Variants in MBTPS1 observed in about 807,000 individuals in gnomAD.
The protein encoded by MBTPS1 is membrane bound transcription factor peptidase, site 1.
A neutral mutation model predicts 127.8 loss-of-function variants in MBTPS1; 94 were observed. That is an observed-to-expected ratio of 0.74 (90% CI 0.62 to 0.87). The LOEUF is 0.87. Among genes scored for constraint, MBTPS1 ranks in the 40% least tolerant of loss-of-function variants. The probability of loss-of-function intolerance (pLI) is 0.00; values close to 1 mark genes in which losing one functional copy is unlikely to be tolerated. For missense variants in MBTPS1, 1,636 were observed against 1,353.2 expected (o/e 1.21, Z -3.28); for synonymous variants, 632 against 509.4 (o/e 1.24, Z -3.24).
At chr16:84,070,505 G>C in intron 13 of MBTPS1, 83 bp downstream of exon 13, 1 of 1,372,666 alleles carries the variant, frequency 7.3e-7, no homozygotes, top group Non-Finnish European at 1.0e-6. Flanking sequence ...TTCCAATGGA[G>C]ACCCCAGGCA....
intron 19 of MBTPS1, chr16:84,061,760 C>T (rs2085617287): frequency 6.6e-6 from 1 of 152,236 alleles, no homozygotes; most frequent in African/African-American, 2.4e-5. Context: ...ACAAAGGATC[C>T]TTTCTGAGAG....
At chr16:84,098,155 G>C (rs2086204100) in intron 3 of MBTPS1, among the ~76,000 whole-genome samples, 1 of 152,168 alleles carries the variant, frequency 6.6e-6, no homozygotes, top group South Asian at 2.1e-4. Context: ...AAGTAGGAAA[G>C]ACTAAGCCCT....
intron 12 of MBTPS1, 95 bp from the exon 13 acceptor site, chr16:84,070,871 T>C (rs1442119258): frequency 1.0e-6 from 1 of 966,976 alleles, no homozygotes; most frequent in Non-Finnish European, 1.5e-6. Context: ...CAAAACTGGT[T>C]CCGAGAAATA....
intron 9 of MBTPS1, chr16:84,086,281 G>C (rs1376960327): frequency 6.6e-6 from 1 of 151,872 alleles, no homozygotes; most frequent in Non-Finnish European, 1.5e-5. Context: ...ACGGGGAGCT[G>C]GGGACAAAGT....
rs1164742073 is a variant in MBTPS1, at chr16:84,054,270, C to T, written c.*179G>A. 1 of 458,532 alleles carries T rather than the reference C, an allele frequency of 2.2e-6. No homozygotes were observed. Among genetic ancestry groups the T allele is most frequent in the Non-Finnish European group, 3.8e-6 (1 of 265,700 alleles). 28.4% of individuals were successfully genotyped at this position (458,532 alleles called of 1,614,324 possible). Reference sequence around the variant, plus strand: ...TCCTGACGGGATCCACAGGAATCTTCTCGATGTACCAGGAGCCTCTGCCCA... The same window carrying T: ...TCCTGACGGGATCCACAGGAATCTTTTCGATGTACCAGGAGCCTCTGCCCA... On this transcript the variant is annotated 3_prime_UTR_variant, in exon 23 of 23. Transcript: ENST00000343411.
intron 1 of MBTPS1, among the ~76,000 whole-genome samples, chr16:84,114,224 G>C (rs531197265): frequency 6.6e-6 from 1 of 152,038 alleles, no homozygotes; most frequent in South Asian, 2.1e-4. Context: ...GCCTCCCAAA[G>C]TGCTGGGATT....
At chr16:84,066,701 C>A in intron 16 of MBTPS1, 88 bp from the exon 17 acceptor site, 2 of 1,308,780 alleles carry the variant, frequency 1.5e-6, no homozygotes, top group Non-Finnish European at 2.1e-6. Context: ...AACTCAATTT[C>A]TCCTGCCACA....
rs143789087 is a variant in MBTPS1 at position 84,110,625 on chromosome 16, A to C, written c.-325+6110T>G. The C allele has an allele frequency of 2.6e-5, 4 of 152,306 alleles. No homozygotes were observed. The East Asian group carries it at 7.7e-4, about 29-fold the overall frequency. The allele number at this position is 152,306 out of a possible 1,614,324, so 9.4% of individuals were successfully genotyped here. A position where few individuals can be genotyped will look rare whatever the true frequency, so the allele number is the denominator to read the frequency against. ...CAGGTGCCATTCTAAGTAGTCTGCA[A>C]ATATTAACTAATTTAATCCTCCCAA... On this transcript the variant is annotated intron_variant, in intron 1 of 22. Coordinates refer to ENST00000343411, the MANE Select transcript of MBTPS1 (RefSeq NM_003791.4).
chr16:84,054,751 C>T lies in MBTPS1; in HGVS notation c.2963-106G>A. On this transcript the variant is annotated intron_variant, in intron 22 of 22. Transcript: ENST00000343411. ...TCAGAAACTAAATGCGAGCTAATTT[C>T]ACTAGCTGGGCTTGCAGGGCATACA... 7.2e-6 allele frequency: 6 copies of T among 833,390 alleles called. No individual in the cohort carries two copies. In the South Asian group the frequency reaches 8.0e-5, roughly 11 times the overall value. The allele number at this position is 833,390 out of a possible 1,614,324, so 51.6% of individuals were successfully genotyped here.
At chr16:84,101,564 A>G in intron 2 of MBTPS1, 57 bp downstream of exon 2, 1 of 1,439,906 alleles carries the variant, frequency 6.9e-7, no homozygotes, top group South Asian at 1.3e-5. Context: ...ATTTTATATT[A>G]AGTAAGCTTT....
intron 1 of MBTPS1, among the ~76,000 whole-genome samples, chr16:84,112,189 G>C (rs758962519): frequency 1.3e-5 from 2 of 152,020 alleles, no homozygotes; most frequent in Non-Finnish European, 2.9e-5. Context: ...GCAATGGAGA[G>C]ACTGTCTCAA....
At chr16:84,077,832 C>G (rs1045249483) in intron 11 of MBTPS1, among the ~76,000 whole-genome samples, 3 of 152,090 alleles carry the variant, frequency 2.0e-5, no homozygotes, top group Non-Finnish European at 4.4e-5. Context: ...CCGCAACATG[C>G]ATCCCTGACG....
chr16:84,081,532 C>T (rs1289664681), intron 11 of MBTPS1: 2 of 366,374 alleles, frequency 5.5e-6, no homozygotes, highest in Non-Finnish European at 9.7e-6. Context: ...TTACTTTTAA[C>T]CATTTATATT....
At chr16:84,091,979 T>A (rs1254196785) in intron 6 of MBTPS1, 131 bp from the exon 7 acceptor site, 14 of 621,298 alleles carry the variant, frequency 2.3e-5, no homozygotes, top group Admixed American at 5.4e-5. Context: ...AAACCAGAAA[T>A]GAATCCTGAG....
chr16:84,112,675 A>AC (rs1268473819), intron 1 of MBTPS1, among the ~76,000 whole-genome samples: 3 of 149,930 alleles, frequency 2.0e-5, no homozygotes, highest in East Asian at 3.9e-4. Flanking sequence ...AAAAACAAAA[A>AC]AAAACAAAAA....
chr16:84,110,549 G>A (rs897317889), intron 1 of MBTPS1, among the ~76,000 whole-genome samples: 32 of 151,990 alleles, frequency 2.1e-4, no homozygotes, highest in Admixed American at 1.6e-3. Context: ...AAAACTTTTC[G>A]TCTAACAAAT....
intron 20 of MBTPS1, chr16:84,060,114 C>G (rs1044205726): frequency 6.5e-6 from 1 of 153,012 alleles, no homozygotes; most frequent in African/African-American, 2.4e-5. Context: ...CCACTAAGTG[C>G]CAAGCAGCTG....
chr16:84,081,477 T>G (rs1240477537), intron 11 of MBTPS1: 1 of 256,682 alleles, frequency 3.9e-6, no homozygotes, highest in African/African-American at 2.2e-5. Flanking sequence ...ATTTCAAGAG[T>G]CTAAGAAAGT....
At chr16:84,098,830 A>C (rs1418564349) in intron 3 of MBTPS1, among the ~76,000 whole-genome samples, 2 of 152,140 alleles carry the variant, frequency 1.3e-5, no homozygotes, top group African/African-American at 4.8e-5. Flanking sequence ...CTTCTACCAG[A>C]ACAGTACGAA....
Sources: gnomAD v4.1 joint callset for allele counts (sites outside exome capture counted in the v4.1 genomes callset) on GRCh38, gnomAD v4.1.1 for gene constraint, MANE v1.5 for transcripts, NCBI Gene and HGNC (gene_info 2026-07-23, HGNC 2026-07-21) for gene names.